BFSP2: variants seen among roughly 807,000 people sequenced by gnomAD.
BFSP2 encodes the protein phakinin.
Under a neutral mutation model 44.9 loss-of-function variants are expected in BFSP2, and 38 were observed. The observed-to-expected ratio is 0.85, with a 90% CI of 0.65 to 1.11. The LOEUF is 1.11. Among genes scored for constraint, BFSP2 ranks in the 50% least tolerant of loss-of-function variants. The pLI is 0.00. For missense variants in BFSP2, 525 were observed against 533.0 expected (o/e 0.99, Z 0.15); for synonymous variants, 197 against 209.9 (o/e 0.94, Z 0.53).
intron 1 of BFSP2, among the ~76,000 whole-genome samples, chr3:133,402,798 G>A (rs1236404772): frequency 2.0e-5 from 3 of 151,708 alleles, no homozygotes; most frequent in Non-Finnish European, 2.9e-5. Flanking sequence ...ACGCCACCAC[G>A]CCCAGCTAAT....
chr3:133,402,971 C>T (rs990336446), intron 1 of BFSP2, among the ~76,000 whole-genome samples: 3 of 152,062 alleles, frequency 2.0e-5, no homozygotes, highest in Non-Finnish European at 2.9e-5. Context: ...ATTGCACAGC[C>T]CAGCCTTTCA....
At chr3:133,437,737 G>A (rs2073804312) in intron 1 of BFSP2, among the ~76,000 whole-genome samples, 1 of 152,214 alleles carries the variant, frequency 6.6e-6, no homozygotes, top group South Asian at 2.1e-4. Context: ...TGGGGGTAAT[G>A]GAAGATGGCT....
intron 1 of BFSP2, among the ~76,000 whole-genome samples, chr3:133,405,481 C>T (rs779487027): frequency 1.2e-4 from 19 of 152,038 alleles, no homozygotes; most frequent in Admixed American, 9.2e-4. Flanking sequence ...CAGATCTGGG[C>T]CAGGTTTCTC....
chr3:133,439,924 C>CAG (rs1239432731), intron 1 of BFSP2, among the ~76,000 whole-genome samples: 11 of 148,838 alleles, frequency 7.4e-5, no homozygotes, highest in Middle Eastern at 3.4e-3. Context: ...AAAGCAGAGA[C>CAG]AGACAGAGAG....
At chr3:133,473,016 C>T (rs1193124180) in intron 6 of BFSP2, among the ~76,000 whole-genome samples, 1 of 151,468 alleles carries the variant, frequency 6.6e-6, no homozygotes, top group Non-Finnish European at 1.5e-5. Context: ...TCGACTCAAA[C>T]CCCTGGGCTC....
In BFSP2 at chr3:133,473,166, A is replaced by G. The variant is rs1559986971; in HGVS notation, c.1244+601A>G. 3.3e-5 allele frequency among the ~76,000 whole-genome samples: 5 copies of G among 152,034 alleles called. No individual in the cohort carries two copies. The East Asian group carries it at 9.7e-4, about 29-fold the overall frequency. ...GGTCTGAGAGTCTTCCTTTCTAACA[A>G]GCTCCCAAGTGATGACTATACTGCT... On this transcript the variant is annotated intron_variant, in intron 6 of 6. Coordinates refer to ENST00000302334, the MANE Select transcript of BFSP2 (RefSeq NM_003571.4).
At chr3:133,446,357 G>T (rs553108952) in intron 1 of BFSP2, among the ~76,000 whole-genome samples, 3 of 151,748 alleles carry the variant, frequency 2.0e-5, no homozygotes, top group African/African-American at 7.3e-5. Flanking sequence ...GGAGGCAGAG[G>T]TTGCAGTGAG....
chr3:133,425,257 T>C (rs956161069), intron 1 of BFSP2, among the ~76,000 whole-genome samples: 4 of 152,264 alleles, frequency 2.6e-5, no homozygotes, highest in African/African-American at 9.6e-5. Context: ...TCTTGGACTC[T>C]GGGACCTGGA....
At chr3:133,443,112 A>G (rs1351241705) in intron 1 of BFSP2, among the ~76,000 whole-genome samples, 1 of 151,962 alleles carries the variant, frequency 6.6e-6, no homozygotes, top group Non-Finnish European at 1.5e-5. Context: ...CACCCACCTC[A>G]GCCTCCCAAA....
intron 6 of BFSP2, among the ~76,000 whole-genome samples, chr3:133,472,959 T>C (rs928269370): frequency 6.6e-6 from 1 of 151,966 alleles, no homozygotes; most frequent in African/African-American, 2.4e-5. Flanking sequence ...ATCTTTTTTT[T>C]TTTTTTGGAT....
At position 133,464,296 on chromosome 3, in the gene BFSP2, C is replaced by T. The variant is rs147127419; in HGVS notation, c.892-2532C>T. Among the ~76,000 whole-genome samples, 131 of 152,298 alleles carry T rather than the reference C, an allele frequency of 8.6e-4. 2 individuals carry two copies. The East Asian group carries it at 0.025, about 29-fold the overall frequency. ...GACAACATTAAATACTAGTTGAGAG[C>T]ACATCTCTGGGTCTGCTGCTGGGCT... On this transcript the variant is annotated intron_variant, in intron 4 of 6. Coordinates refer to ENST00000302334, the MANE Select transcript of BFSP2 (RefSeq NM_003571.4).
At chr3:133,424,215 T>TGTGTGTGTGTGTGTGTGTG (rs879693047) in intron 1 of BFSP2, among the ~76,000 whole-genome samples, 1 of 80,114 alleles carries the variant, frequency 1.2e-5, no homozygotes, top group Non-Finnish European at 2.2e-5. Flanking sequence ...CCAGCTAATT[T>TGTGTGTGTGTGTGTGTGTG]TTTTTTTTTT....
At chr3:133,473,283 A>G (rs1489572091) in intron 6 of BFSP2, among the ~76,000 whole-genome samples, 1 of 151,972 alleles carries the variant, frequency 6.6e-6, no homozygotes, top group African/African-American at 2.4e-5. Flanking sequence ...CAAAGATTTC[A>G]TTAAGGACTC....
chr3:133,469,576 C>A (rs1469795376), intron 5 of BFSP2, among the ~76,000 whole-genome samples: 1 of 152,192 alleles, frequency 6.6e-6, no homozygotes, highest in East Asian at 1.9e-4. Context: ...CAGAAAGTCC[C>A]TTCAAATCTC....
rs375822049 is a variant in BFSP2 at position 133,447,349 on chromosome 3, C to G, written c.522C>G (p.Leu174=). The change falls in exon 2 of 7, where the codon CTC becomes CTG. Residue 174 remains leucine, a synonymous_variant. Coordinates refer to ENST00000302334, the MANE Select transcript of BFSP2 (RefSeq NM_003571.4). The stretch of plus-strand genomic sequence containing the variant: ...AGGCAGTCTTGGAAAATGCCCGGCT[C>G]ATGCTGCAGACAGAAACTATCCAGG... The part of the protein sequence containing the change: ...VGEAVLENAR[L]MLQTETIQAG... The G allele has an allele frequency of 6.2e-7, 1 of 1,613,944 alleles. No homozygotes were observed. The highest frequency in any genetic ancestry group is 1.3e-5 in the African/African-American group (1 of 74,888).
At chr3:133,449,996 A>C (rs2073944306) in intron 3 of BFSP2, among the ~76,000 whole-genome samples, 1 of 112,488 alleles carries the variant, frequency 8.9e-6, no homozygotes, top group Non-Finnish European at 1.8e-5. Flanking sequence ...GAAGGAAGGA[A>C]GGAAGGAAGG....
Position 133,475,147 on chromosome 3 carries a change from G to A in BFSP2, c.*175G>A. 1 of 864,726 alleles carries A rather than the reference G, an allele frequency of 1.2e-6. No individual in the cohort carries two copies. The highest frequency in any genetic ancestry group is 1.9e-6 in the Non-Finnish European group (1 of 533,832). 53.6% of individuals were successfully genotyped at this position (864,726 alleles called of 1,614,324 possible). On this transcript the variant is annotated 3_prime_UTR_variant, in exon 7 of 7. Transcript: ENST00000302334. The stretch of plus-strand genomic sequence containing the variant: ...GGATCCTTCTGCTTTAATCTGAGTA[G>A]TCTGTAGCTTGAGCAATCTCCCTTG...
At chr3:133,469,913 G>A (rs969302606) in intron 5 of BFSP2, among the ~76,000 whole-genome samples, 11 of 152,222 alleles carry the variant, frequency 7.2e-5, no homozygotes, top group African/African-American at 2.4e-4. Flanking sequence ...AGAAGATGGA[G>A]CAAAAACTAT....
intron 1 of BFSP2, among the ~76,000 whole-genome samples, chr3:133,424,184 T>G (rs969788586): frequency 2.2e-5 from 3 of 134,666 alleles, no homozygotes; most frequent in Admixed American, 1.5e-4. Context: ...TAGCTGGGAT[T>G]ACAGGCGCCT....
Sources: allele counts gnomAD v4.1 joint callset (sites outside exome capture counted in the v4.1 genomes callset), GRCh38; gene constraint gnomAD v4.1.1; transcripts MANE v1.5; gene names NCBI Gene and HGNC (gene_info 2026-07-23, HGNC 2026-07-21).